The following USP9X variants were observed in gnomAD, a reference collection of about 807,000 sequenced individuals.
USP9X encodes ubiquitin carboxyl-terminal hydrolase 9X.
In USP9X, 7 loss-of-function variants were observed where a neutral mutation model predicts 190.3. The observed-to-expected ratio is 0.04, with a 90% confidence interval of 0.02 to 0.07. The LOEUF is 0.07. Among genes scored for constraint, USP9X ranks in the 10% least tolerant of loss-of-function variants. USP9X has a pLI of 1.00. For synonymous variants in USP9X, 645 were observed against 659.5 expected, an observed-to-expected ratio of 0.98 and a Z score of 0.34; for missense variants, 1,010 against 1,916.9, an observed-to-expected ratio of 0.53 and a Z score of 8.83.
Position 41,099,795 on chromosome X carries a change from G to A in USP9X, c.-159+13686G>A, listed in dbSNP as rs761130010. On this transcript the variant is annotated intron_variant, in intron 1 of 44. Transcript: ENST00000378308. ...AGGTGGATCACGAGGTCAGGAGATC[G>A]AGACCATCCTGACCAACATAATGAA... Among the ~76,000 whole-genome samples the A allele has an allele frequency of 4.3e-3, 478 of 111,615 alleles. 2 individuals carry two copies. Among genetic ancestry groups the A allele is most frequent in the African/African-American group, 0.015 (453 of 30,686 alleles).
chrX:41,087,845 C>A (rs1347289283), intron 1 of USP9X, among the ~76,000 whole-genome samples: 3 of 111,791 alleles, frequency 2.7e-5, no homozygotes, highest in African/African-American at 6.5e-5. Flanking sequence ...TTGGTAGTTT[C>A]TGAGAATTTC....
chrX:41,099,096 G>GTTTTTTTTTTTTGTTTTT (rs2062015208), intron 1 of USP9X, among the ~76,000 whole-genome samples: 2 of 44,274 alleles, frequency 4.5e-5, no homozygotes, highest in Middle Eastern at 0.015. Context: ...CCAGATAATT[G>GTTTTTTTTTTTTGTTTTT]TTTTTTTTTT....
chrX:41,128,869 C>T (rs1221147842), intron 2 of USP9X, 131 bp from the exon 3 acceptor site: 2 of 683,197 alleles, frequency 2.9e-6, no homozygotes, highest in Non-Finnish European at 4.3e-6. Context: ...TTTGCAGATG[C>T]AGAACCCATG....
At chrX:41,094,440 T>C (rs1176320268) in intron 1 of USP9X, among the ~76,000 whole-genome samples, 1 of 109,052 alleles carries the variant, frequency 9.2e-6, no homozygotes, top group African/African-American at 3.3e-5. Flanking sequence ...CCTCCCAGAG[T>C]GCTGGGATTA....
intron 32 of USP9X, among the ~76,000 whole-genome samples, chrX:41,207,817 A>C (rs955610299): frequency 9.1e-6 from 1 of 109,919 alleles, no homozygotes; most frequent in African/African-American, 3.3e-5. Context: ...TAGGCCCTCT[A>C]CTTACTCTGT....
chrX:41,188,787 T>C (rs1276666244), intron 25 of USP9X, among the ~76,000 whole-genome samples: 1 of 112,239 alleles, frequency 8.9e-6, no homozygotes, highest in Non-Finnish European at 1.9e-5. Flanking sequence ...TGAATACTTA[T>C]TCTGTTTCAG....
At position 41,216,561 on chromosome X, in the gene USP9X, C is replaced by T. The variant is rs1419938465; in HGVS notation, c.5994C>T (p.Phe1998=). Residue 1998 remains phenylalanine, a synonymous_variant, in exon 35 of 45, where the codon TTC becomes TTT. Coordinates refer to ENST00000378308, the MANE Select transcript of USP9X (RefSeq NM_001039591.3). The part of the protein sequence containing the change: ...ERSVRKQNVQ[F]MHNRMQYSME... ...GTGTACGGAAACAGAACGTACAATT[C>T]ATGCATAACCGAATGCAGTACAGTA... The T allele has an allele frequency of 2.5e-6, 3 of 1,209,288 alleles. No homozygotes were observed. The highest frequency in any genetic ancestry group is 1.8e-5 in the African/African-American group (1 of 56,960).
intron 12 of USP9X, 125 bp from the exon 13 acceptor site, chrX:41,150,796 A>G: frequency 1.4e-6 from 1 of 712,372 alleles, no homozygotes; most frequent in Non-Finnish European, 2.0e-6. Flanking sequence ...TACTGTAATT[A>G]CAACATGATG....
chrX:41,174,443 CTT>C (rs1227303756), intron 21 of USP9X, among the ~76,000 whole-genome samples: 1 of 111,380 alleles, frequency 9.0e-6, no homozygotes, highest in Non-Finnish European at 1.9e-5. Context: ...CTCATACTGT[CTT>C]TGACCTTCAT....
rs762093910 is a variant in USP9X, at chrX:41,196,399, C to G, written c.4086+40C>G. 8 of 1,173,613 alleles carry G rather than the reference C, an allele frequency of 6.8e-6. No homozygotes were observed. In the African/African-American group the frequency reaches 1.1e-4, roughly 16 times the overall value. On this transcript the variant is annotated intron_variant, in intron 27 of 44. Transcript: ENST00000378308. ...AATATGCTTATCAATGTGATTCATTCTTTAAGCAAGAAACATTCAGAAATT... is the reference window on the plus strand; with the variant it reads ...AATATGCTTATCAATGTGATTCATTGTTTAAGCAAGAAACATTCAGAAATT...
chrX:41,160,800 A>G (rs2062622971), intron 14 of USP9X, among the ~76,000 whole-genome samples: 1 of 112,335 alleles, frequency 8.9e-6, no homozygotes, highest in Non-Finnish European at 1.9e-5. Context: ...AATTCTGCAG[A>G]TTAAAGAATA....
intron 29 of USP9X, among the ~76,000 whole-genome samples, chrX:41,197,961 C>T (rs1453524298): frequency 1.8e-5 from 2 of 111,913 alleles, no homozygotes; most frequent in Non-Finnish European, 1.9e-5. Context: ...TTGCAGTGAG[C>T]TGAGATCGCA....
chrX:41,098,983 T>G (rs1400983496), intron 1 of USP9X, among the ~76,000 whole-genome samples: 1 of 109,739 alleles, frequency 9.1e-6, no homozygotes, highest in Non-Finnish European at 1.9e-5. Flanking sequence ...TGGAGTGCAG[T>G]GGTGTGATCA....
intron 14 of USP9X, among the ~76,000 whole-genome samples, chrX:41,154,928 A>G (rs2062563669): frequency 9.0e-6 from 1 of 111,613 alleles, no homozygotes; most frequent in Admixed American, 9.5e-5. Context: ...AAACCAGTAA[A>G]ATTCTTCTAT....
chrX:41,093,012 A>C (rs759790527), intron 1 of USP9X, among the ~76,000 whole-genome samples: 24 of 111,363 alleles, frequency 2.2e-4, no homozygotes, highest in African/African-American at 6.5e-4. Flanking sequence ...AAGTAGGACC[A>C]CAGGCCGACA....
At chrX:41,124,080 T>C (rs898313395) in intron 2 of USP9X, among the ~76,000 whole-genome samples, 1 of 109,203 alleles carries the variant, frequency 9.2e-6, no homozygotes, top group Non-Finnish European at 1.9e-5. Context: ...GTGGGTCTAC[T>C]GTTGGGGTAC....
chrX:41,162,296 T>G (rs1021268746), intron 14 of USP9X, among the ~76,000 whole-genome samples: 4 of 112,525 alleles, frequency 3.6e-5, no homozygotes, highest in South Asian at 3.6e-4. Flanking sequence ...AACATGGTAA[T>G]GGTGACAATT....
intron 14 of USP9X, among the ~76,000 whole-genome samples, chrX:41,159,535 TTTC>T (rs1161014720): frequency 2.7e-5 from 3 of 110,962 alleles, no homozygotes; most frequent in African/African-American, 9.9e-5. Flanking sequence ...CTTTTTTTTT[TTTC>T]TTTTTTTTTG....
At position 41,101,346 on chromosome X, in the gene USP9X, T is replaced by G. The variant is rs187571610; in HGVS notation, c.-159+15237T>G. ...TGTAATTTCAGCACTTTGGGAGGCT[T>G]AGGCGGGTGGATCACGAGGTCAGGA... On this transcript the variant is annotated intron_variant, in intron 1 of 44. Coordinates refer to ENST00000378308, the MANE Select transcript of USP9X (RefSeq NM_001039591.3). 4.4e-3 allele frequency among the ~76,000 whole-genome samples: 479 copies of G among 108,524 alleles called. 2 individuals carry two copies. The highest frequency in any genetic ancestry group is 0.016 in the African/African-American group (463 of 29,750). 94.2% of individuals were successfully genotyped at this position (108,524 alleles called of 115,157 possible).
Sources: gnomAD v4.1 joint callset for allele counts (sites outside exome capture counted in the v4.1 genomes callset) on GRCh38, gnomAD v4.1.1 for gene constraint, MANE v1.5 for transcripts, NCBI Gene and HGNC (gene_info 2026-07-23, HGNC 2026-07-21) for gene names.